The following PTBP3 variants were observed in gnomAD, a reference collection of about 807,000 sequenced individuals.
PTBP3 encodes polypyrimidine tract-binding protein 3.
In PTBP3, 20 loss-of-function variants were observed where a neutral mutation model predicts 58.7. The observed-to-expected ratio is 0.34, with a 90% CI of 0.24 to 0.50. The LOEUF is 0.50. Ranked by LOEUF, PTBP3 falls within the 20% of genes least tolerant of loss-of-function variation. PTBP3 has a pLI of 0.98. For missense variants in PTBP3, 509 were observed against 637.2 expected (o/e 0.80, Z 2.17); for synonymous variants, 185 against 219.8 (o/e 0.84, Z 1.40).
chr9:112,364,411 C>T, the PTBP3 span, among the ~76,000 whole-genome samples: 1 of 152,076 alleles, frequency 6.6e-6, no homozygotes, highest in Non-Finnish European at 1.5e-5. Flanking sequence ...GTAATCCCAG[C>T]ACTTTGGGAA....
chr9:112,294,281 G>A (rs571866374), intron 2 of PTBP3, among the ~76,000 whole-genome samples: 3 of 152,258 alleles, frequency 2.0e-5, no homozygotes, highest in Admixed American at 2.0e-4. Context: ...AGGAGGCCAA[G>A]GAAGGAGGAT....
chr9:112,244,314 A>G (rs1264917220), intron 7 of PTBP3, among the ~76,000 whole-genome samples: 3 of 144,498 alleles, frequency 2.1e-5, no homozygotes, highest in Admixed American at 6.9e-5. Flanking sequence ...AAAAGTTCTC[A>G]GGAATAAGTG....
chr9:112,262,552 G>A lies in PTBP3; in HGVS notation c.399C>T (p.Ser133=), dbSNP rs1182265511. 10 of 1,611,706 alleles carry A rather than the reference G, an allele frequency of 6.2e-6. No homozygotes were observed. The highest frequency in any genetic ancestry group is 8.5e-6 in the Non-Finnish European group (10 of 1,179,204). The part of the protein sequence containing the change: ...LQAVSAVQSG[S]LALSGGPSNE... ...TGGAAGGACCTCCAGAAAGGGCCAGGCTTCCTGATTGGACGGCACTGACAG... is the reference window on the plus strand; with the variant it reads ...TGGAAGGACCTCCAGAAAGGGCCAGACTTCCTGATTGGACGGCACTGACAG... Residue 133 remains serine (S), a synonymous_variant, in exon 5 of 14, where the codon AGC becomes AGT. Coordinates refer to ENST00000374257, the MANE Select transcript of PTBP3 (RefSeq NM_001163788.4).
At chr9:112,224,248 C>CA in intron 12 of PTBP3, 38 bp from the exon 13 acceptor site, 1 of 1,284,978 alleles carries the variant, frequency 7.8e-7, no homozygotes, top group Non-Finnish European at 1.1e-6. Context: ...ACCTGGGCCG[C>CA]ATTCTCAAGT....
chr9:112,332,904 G>A, intron 1 of PTBP3: 1 of 1,582,904 alleles, frequency 6.3e-7, no homozygotes. Context: ...AGCACAAGTC[G>A]GGAGACCTCG....
intron 2 of PTBP3, among the ~76,000 whole-genome samples, chr9:112,276,331 AC>A (rs1421146923): frequency 6.6e-6 from 1 of 152,208 alleles, no homozygotes. Context: ...TTTTCTTATG[AC>A]TAGAGAACAC....
At chr9:112,285,703 T>C (rs1828082217) in intron 2 of PTBP3, among the ~76,000 whole-genome samples, 1 of 152,216 alleles carries the variant, frequency 6.6e-6, no homozygotes, top group Admixed American at 6.5e-5. Context: ...GAAATTTGAA[T>C]TTCATGAAAG....
At position 112,266,445 on chromosome 9, in the gene PTBP3, T is replaced by C. The variant is rs111665303; in HGVS notation, c.351+1604A>G. On this transcript the variant is annotated intron_variant, in intron 4 of 13. Coordinates refer to ENST00000374257, the MANE Select transcript of PTBP3 (RefSeq NM_001163788.4). ...CTACAGAAAGCAATCATGCAACATA[T>C]ACCAAAATTTAAAATATGTACATGC... 6.0e-3 allele frequency among the ~76,000 whole-genome samples: 912 copies of C among 152,276 alleles called. 7 individuals carry two copies. Among genetic ancestry groups the C allele is most frequent in the African/African-American group, 0.021 (874 of 41,538 alleles).
chr9:112,220,094 GTC>G lies in PTBP3; in HGVS notation c.*3755_*3756del. On this transcript the variant is annotated 3_prime_UTR_variant, in exon 14 of 14. Coordinates refer to ENST00000374257, the MANE Select transcript of PTBP3 (RefSeq NM_001163788.4). ...AAAATGCTTTACGCATCGTCACGCT[GTC>G]TCTTTTTGGTTTTAAAAATAGCAGT... The G allele has an allele frequency of 8.2e-7, 1 of 1,222,650 alleles. No homozygotes were observed. The highest frequency in any genetic ancestry group is 1.0e-6 in the Non-Finnish European group (1 of 955,348). 75.7% of individuals were successfully genotyped at this position (1,222,650 alleles called of 1,614,324 possible). A position where few individuals can be genotyped will look rare whatever the true frequency, so the allele number is the denominator to read the frequency against.
chr9:112,282,972 A>G (rs957335044), intron 2 of PTBP3, among the ~76,000 whole-genome samples: 11 of 152,302 alleles, frequency 7.2e-5, no homozygotes, highest in Middle Eastern at 3.4e-3. Flanking sequence ...TGATGGTTGT[A>G]TAAGTGTTTG....
intron 2 of PTBP3, among the ~76,000 whole-genome samples, chr9:112,297,076 T>C (rs1336960569): frequency 2.6e-5 from 4 of 152,218 alleles, no homozygotes; most frequent in African/African-American, 9.7e-5. Context: ...CAATTCACTT[T>C]ACGGCCACTA....
chr9:112,281,557 T>C (rs1827868422), intron 2 of PTBP3, among the ~76,000 whole-genome samples: 1 of 152,236 alleles, frequency 6.6e-6, no homozygotes, highest in Non-Finnish European at 1.5e-5. Flanking sequence ...AGCAGCATAA[T>C]ACTGGCCTCA....
upstream of PTBP3, among the ~76,000 whole-genome samples, chr9:112,333,888 G>C (rs914706470): frequency 1.3e-5 from 2 of 148,806 alleles, no homozygotes; most frequent in Non-Finnish European, 1.5e-5. Context: ...CCTCCCTCCT[G>C]CGTTCGCGGG....
chr9:112,226,213 C>T (rs1564386320), intron 12 of PTBP3, among the ~76,000 whole-genome samples: 1 of 151,346 alleles, frequency 6.6e-6, no homozygotes, highest in Non-Finnish European at 1.5e-5. Context: ...TTGACTCTAC[C>T]AGTTTCCCGG....
intron 1 of PTBP3, among the ~76,000 whole-genome samples, chr9:112,312,590 G>GGTAAGACA (rs2132396900): frequency 2.7e-5 from 1 of 37,388 alleles, no homozygotes; most frequent in East Asian, 5.1e-4. Flanking sequence ...TCGGGGAAAT[G>GGTAAGACA]ATAAATGAAA....
At chr9:112,370,512 G>A in the PTBP3 span, among the ~76,000 whole-genome samples, 1 of 152,092 alleles carries the variant, frequency 6.6e-6, no homozygotes, top group African/African-American at 2.4e-5. Context: ...CTGCATTCCA[G>A]ACTGGATGAC....
chr9:112,345,010 G>A, the PTBP3 span, among the ~76,000 whole-genome samples: 1 of 152,030 alleles, frequency 6.6e-6, no homozygotes, highest in Non-Finnish European at 1.5e-5. Flanking sequence ...TCACATACCT[G>A]TAGTCCCAGC....
chr9:112,238,290 A>T (rs1471123142), intron 7 of PTBP3, among the ~76,000 whole-genome samples: 1 of 152,216 alleles, frequency 6.6e-6, no homozygotes, highest in Non-Finnish European at 1.5e-5. Flanking sequence ...TAGAAATGAA[A>T]GCCACAATTG....
chr9:112,303,878 T>TC, intron 1 of PTBP3, among the ~76,000 whole-genome samples: 1 of 145,594 alleles, frequency 6.9e-6, no homozygotes, highest in Non-Finnish European at 1.5e-5. Flanking sequence ...AATCAATCAA[T>TC]ACTACAGGCT....
Sources: allele counts gnomAD v4.1 joint callset (sites outside exome capture counted in the v4.1 genomes callset), GRCh38; gene constraint gnomAD v4.1.1; transcripts MANE v1.5; gene names NCBI Gene and HGNC (gene_info 2026-07-23, HGNC 2026-07-21).